The following LRRIQ1 variants were observed in gnomAD, a reference collection of about 807,000 sequenced individuals.
The protein encoded by LRRIQ1 is leucine-rich repeat- and IQ domain-containing protein 1.
A neutral mutation model predicts 211.9 loss-of-function variants in LRRIQ1; 210 were observed. The observed-to-expected ratio is 0.99, with a 90% CI of 0.89 to 1.11. The LOEUF (loss-of-function observed/expected upper bound fraction) is 1.11, where lower values mean the gene tolerates loss of function less well. LRRIQ1 is among the 50% of genes most tolerant of loss of function. The pLI is 0.00. For synonymous variants in LRRIQ1, 699 were observed against 650.1 expected (o/e 1.08, Z -1.14); for missense variants, 2,136 against 1,939.5 (o/e 1.10, Z -1.90).
rs1408978314 is a variant in LRRIQ1 at position 85,072,911 on chromosome 12, T to G, written c.2700T>G (p.Tyr900Ter). The change falls in exon 11 of 27, where the codon TAT (tyrosine) becomes TAG (stop). Residue 900 changes from tyrosine to a stop codon, truncating the protein, a stop_gained. Transcript: ENST00000393217. LOFTEE classifies it high-confidence loss of function. ...TAATTCTGTCATCCTACTCAGGATA[T>G]TCCTTCTTTCTGGAAGAAAAACTTG... ...LSYNKITRIG[Y>*]SFFLEEKLVD... The G allele has an allele frequency of 6.2e-7, 1 of 1,607,426 alleles. No homozygotes were observed. The highest frequency in any genetic ancestry group is 1.1e-5 in the South Asian group (1 of 90,132).
At chr12:85,097,766 CCTT>C in intron 11 of LRRIQ1, among the ~76,000 whole-genome samples, 1 of 152,056 alleles carries the variant, frequency 6.6e-6, no homozygotes, top group Non-Finnish European at 1.5e-5. Context: ...ATTTAAGCAA[CCTT>C]CTCAGTTTTT....
chr12:85,104,382 A>C (rs1256394800), intron 14 of LRRIQ1, among the ~76,000 whole-genome samples: 3 of 151,940 alleles, frequency 2.0e-5, no homozygotes, highest in Non-Finnish European at 4.4e-5. Flanking sequence ...TCTAACAGGT[A>C]TAGAGTAGTC....
At chr12:85,254,626 A>G (rs1303083288) in intron 1 of LRRIQ1, among the ~76,000 whole-genome samples, 1 of 152,086 alleles carries the variant, frequency 6.6e-6, no homozygotes, top group Admixed American at 6.6e-5. Flanking sequence ...TAACTAGCAT[A>G]TTAATTTTAC....
chr12:85,168,069 T>A (rs999143408), intron 24 of LRRIQ1, among the ~76,000 whole-genome samples: 14 of 152,192 alleles, frequency 9.2e-5, no homozygotes, highest in African/African-American at 3.4e-4. Context: ...ACAAACAAGT[T>A]CTTAATGAAA....
chr12:85,216,775 T>C (rs1735367901), intron 24 of LRRIQ1, among the ~76,000 whole-genome samples: 1 of 151,866 alleles, frequency 6.6e-6, no homozygotes, highest in African/African-American at 2.4e-5. Context: ...AAACGTGAAA[T>C]TCCTGTAAAA....
chr12:85,262,922 A>G, exon 2 of LRRIQ1: 1 of 983,394 alleles, frequency 1.0e-6, no homozygotes, highest in Non-Finnish European at 1.2e-6. Flanking sequence ...TAGGTTGTTC[A>G]GTTAAGGGAA....
At chr12:85,098,731 A>G (rs1164808429) in intron 12 of LRRIQ1, 136 bp from the exon 13 acceptor site, 2 of 698,762 alleles carry the variant, frequency 2.9e-6, no homozygotes, top group Non-Finnish European at 4.4e-6. Flanking sequence ...TCATATTTAA[A>G]AAGTCTTATA....
At chr12:85,045,120 A>G (rs1465730419) in intron 4 of LRRIQ1, among the ~76,000 whole-genome samples, 1 of 152,012 alleles carries the variant, frequency 6.6e-6, no homozygotes, top group Non-Finnish European at 1.5e-5. Context: ...TGAGGAAAAT[A>G]ATGAATATAC....
intron 11 of LRRIQ1, among the ~76,000 whole-genome samples, chr12:85,078,699 T>A (rs1290743095): frequency 6.6e-6 from 1 of 152,152 alleles, no homozygotes; most frequent in Non-Finnish European, 1.5e-5. Flanking sequence ...TCTGCTTTAG[T>A]CTTCTGTGTC....
chr12:85,051,767 A>T (rs1880351535), intron 6 of LRRIQ1, among the ~76,000 whole-genome samples: 1 of 152,180 alleles, frequency 6.6e-6, no homozygotes, highest in African/African-American at 2.4e-5. Flanking sequence ...ATAAAAACTT[A>T]TTGAAAGAAA....
chr12:85,134,613 C>T (rs1042518920), intron 18 of LRRIQ1, among the ~76,000 whole-genome samples: 3 of 151,984 alleles, frequency 2.0e-5, no homozygotes, highest in African/African-American at 7.2e-5. Context: ...CATCAAGAAT[C>T]GTGGTTATAT....
intron 15 of LRRIQ1, among the ~76,000 whole-genome samples, chr12:85,111,928 G>A (rs1382038986): frequency 7.2e-6 from 1 of 138,048 alleles, no homozygotes; most frequent in Non-Finnish European, 1.5e-5. Flanking sequence ...TATGGTATTA[G>A]ACATTTTATA....
intron 17 of LRRIQ1, among the ~76,000 whole-genome samples, chr12:85,126,723 A>C (rs978636482): frequency 6.6e-6 from 1 of 152,106 alleles, no homozygotes; most frequent in African/African-American, 2.4e-5. Flanking sequence ...TAAAATGGGG[A>C]TGATGATGTT....
chr12:85,236,535 A>G lies in LRRIQ1; in HGVS notation c.5016+3779A>G, dbSNP rs563822909. The stretch of plus-strand genomic sequence containing the variant: ...ATTAAGTTGTCTTATGACAATACTA[A>G]TCAAATGGCAAAAATTGGAAAACTG... On this transcript the variant is annotated intron_variant, in intron 26 of 26. Coordinates refer to ENST00000393217, the MANE Select transcript of LRRIQ1 (RefSeq NM_001079910.2). Among the ~76,000 whole-genome samples, 3 of 152,168 alleles carry G rather than the reference A, an allele frequency of 2.0e-5. No homozygotes were observed. In the East Asian group the frequency reaches 5.8e-4, roughly 29 times the overall value.
chr12:85,245,884 T>TAG (rs1392979680), downstream of LRRIQ1, among the ~76,000 whole-genome samples: 52 of 150,942 alleles, frequency 3.4e-4, no homozygotes, highest in African/African-American at 1.1e-3. Context: ...TATACATATA[T>TAG]ATATAGAGAG....
intron 19 of LRRIQ1, among the ~76,000 whole-genome samples, chr12:85,140,057 T>C (rs1185719082): frequency 6.6e-6 from 1 of 151,314 alleles, no homozygotes; most frequent in Non-Finnish European, 1.5e-5. Flanking sequence ...ATGAAAACAA[T>C]GTAAATGCTT....
chr12:85,104,443 T>C (rs1315481646), intron 14 of LRRIQ1, among the ~76,000 whole-genome samples: 3 of 151,872 alleles, frequency 2.0e-5, no homozygotes, highest in Admixed American at 1.3e-4. Context: ...CTCCTTCCTT[T>C]CTTCAAAATT....
intron 19 of LRRIQ1, among the ~76,000 whole-genome samples, chr12:85,148,510 G>A (rs1248482044): frequency 1.3e-5 from 2 of 151,818 alleles, no homozygotes; most frequent in African/African-American, 2.4e-5. Flanking sequence ...GCAGTATTCC[G>A]TGGTGTATAT....
intron 10 of LRRIQ1, among the ~76,000 whole-genome samples, chr12:85,071,827 A>C (rs1020681863): frequency 1.3e-5 from 2 of 152,034 alleles, no homozygotes; most frequent in Non-Finnish European, 2.9e-5. Context: ...AGACTTATTC[A>C]CTACCACAAA....
Sources: gnomAD v4.1 joint callset for allele counts (sites outside exome capture counted in the v4.1 genomes callset) on GRCh38, gnomAD v4.1.1 for gene constraint, MANE v1.5 for transcripts, NCBI Gene and HGNC (gene_info 2026-07-23, HGNC 2026-07-21) for gene names.